MAP3K11: variants seen among roughly 807,000 people sequenced by gnomAD.
MAP3K11 encodes mitogen-activated protein kinase kinase kinase 11, also known as SH3 domain-containing proline-rich kinase.
MAP3K11 carries 46 observed loss-of-function variants against 84.9 expected under a neutral mutation model. The observed-to-expected ratio is 0.54, with a 90% CI of 0.43 to 0.69. The LOEUF is 0.69. MAP3K11 is among the 30% of genes least tolerant of loss of function. The pLI is 0.00. For synonymous variants in MAP3K11, 527 were observed against 514.7 expected, an observed-to-expected ratio of 1.02 and a Z score of -0.32; for missense variants, 1,053 against 1,198.3, an observed-to-expected ratio of 0.88 and a Z score of 1.79.
intron 8 of MAP3K11, among the ~76,000 whole-genome samples, chr11:65,604,857 C>A (rs544600174): frequency 6.6e-6 from 1 of 152,234 alleles, no homozygotes; most frequent in East Asian, 1.9e-4. Context: ...TAGGTTGGCA[C>A]AGGGACCCAC....
intron 8 of MAP3K11, among the ~76,000 whole-genome samples, chr11:65,600,834 A>G (rs10750762): frequency 0.2 from 30,547 of 152,072 alleles, 3,389 homozygotes; most frequent in Middle Eastern, 0.33. Flanking sequence ...GTGCAGCAGC[A>G]GGTTGGATGT....
At chr11:65,601,742 C>T (rs572912038) in intron 8 of MAP3K11, among the ~76,000 whole-genome samples, 60 of 144,116 alleles carry the variant, frequency 4.2e-4, no homozygotes, top group African/African-American at 1.4e-3. Flanking sequence ...GGCAACAGAG[C>T]GAGACTCCGT....
chr11:65,599,609 G>T lies in MAP3K11; in HGVS notation c.1991C>A (p.Pro664Gln). 1.3e-6 allele frequency: 2 copies of T among 1,539,418 alleles called. No homozygotes were observed. Among genetic ancestry groups the T allele is most frequent in the Non-Finnish European group, 8.7e-7 (1 of 1,149,038 alleles). Residue 664 changes from proline (P) to glutamine (Q), a missense_variant, in exon 9 of 10, where the codon CCG becomes CAG. Physicochemically the swap from Pro to Gln is moderately conservative, Grantham distance 76. Transcript: ENST00000309100. ...SLGLGRDLQP[P>Q]GGPGRERGES... ...CCCGCGCTCGCGTCCTGGGCCTCCC[G>T]GCGGCTGCAGGTCGCGGCCAAGGCC...
chr11:65,604,060 C>G (rs1388582814), intron 8 of MAP3K11, among the ~76,000 whole-genome samples: 1 of 152,272 alleles, frequency 6.6e-6, no homozygotes, highest in Non-Finnish European at 1.5e-5. Context: ...AGGCTGCTAT[C>G]TCTCAGAATG....
rs1854603463 is a variant in MAP3K11, at chr11:65,613,419, C to T, written c.338G>A (p.Ser113Asn). The change falls in exon 1 of 10, where the codon AGC (serine) becomes AAC (asparagine). Residue 113 changes from serine (S) to asparagine (N), a missense_variant. By Grantham distance (46) the Ser-to-Asn change is conservative (BLOSUM62 1). This residue lies in a region of MAP3K11 where 160 missense variants were observed against 167.3 expected (regional missense o/e 0.96). Transcript: ENST00000309100. ...CTCCTCCAGCCGCAGCTCCTGGAAG[C>T]TGGCCACCTCGCAGGGGGGCGGGCC... ...GGGPPPCEVA[S>N]FQELRLEEVI... 3 of 1,612,396 alleles carry T rather than the reference C, an allele frequency of 1.9e-6. No homozygotes were observed. In the Admixed American group the frequency reaches 5.0e-5, roughly 27 times the overall value.
rs938290041 is a variant in MAP3K11, at chr11:65,599,658, C to T, written c.1942G>A (p.Gly648Ser). 88 of 1,547,202 alleles carry T rather than the reference C, an allele frequency of 5.7e-5. No homozygotes were observed. The highest frequency in any genetic ancestry group is 7.8e-5 in the Admixed American group (4 of 51,420). ...PKLIQRALLR[G>S]TALLASLGLG... The stretch of plus-strand genomic sequence containing the variant: ...CCCAGCGAGGCGAGCAGGGCGGTGC[C>T]GCGCAGCAGCGCCCGCTGGATCAGC... The change falls in exon 9 of 10, where the codon GGC becomes AGC. Residue 648 changes from glycine (G) to serine (S), a missense_variant. This residue lies in a region of MAP3K11 where 583 missense variants were observed against 566.6 expected (regional missense o/e 1.03). Transcript: ENST00000309100.
At position 65,606,792 on chromosome 11, in the gene MAP3K11, C is replaced by T. The variant is rs763931056; in HGVS notation, c.1502G>A (p.Arg501His). Residue 501 changes from arginine to histidine, a missense_variant, in exon 6 of 10, where the codon CGC (arginine) becomes CAC (histidine). Transcript: ENST00000309100. ...RISMPLDFKH[R>H]ITVQASPGLD... is the part of the protein sequence containing the mutation. Reference sequence around the variant, plus strand: ...GCCGGGTGAGGCCTGCACGGTGATGCGGTGCTTGAAGTCTGGGATTTGGGT... The same window carrying T: ...GCCGGGTGAGGCCTGCACGGTGATGTGGTGCTTGAAGTCTGGGATTTGGGT... The T allele has an allele frequency of 5.0e-6, 8 of 1,603,872 alleles. No individual in the cohort carries two copies. Among genetic ancestry groups the T allele is most frequent in the South Asian group, 1.1e-5 (1 of 89,362 alleles).
intron 8 of MAP3K11, among the ~76,000 whole-genome samples, chr11:65,600,921 A>C (rs1854448544): frequency 6.6e-6 from 1 of 152,218 alleles, no homozygotes; most frequent in Non-Finnish European, 1.5e-5. Flanking sequence ...CCCTTCTGTC[A>C]GCCCCAACCC....
chr11:65,613,610 C>T lies in MAP3K11; in HGVS notation c.147G>A (p.Leu49=). 6.2e-7 allele frequency: 1 copy of T among 1,613,116 alleles called. No individual in the cohort carries two copies. Among genetic ancestry groups the T allele is most frequent in the South Asian group, 1.1e-5 (1 of 91,086 alleles). Residue 49 remains leucine, a synonymous_variant, in exon 1 of 10, where the codon CTG becomes CTA. Transcript: ENST00000309100. ...AGYANPVWTA[L]FDYEPSGQDE... ...CCTGCCCACTGGGCTCGTAGTCGAA[C>T]AGGGCTGTCCACACCGGGTTGGCAT...
rs1854623548 is a variant in MAP3K11 at position 65,614,078 on chromosome 11, C to G, written c.-322G>C. On this transcript the variant is annotated 5_prime_UTR_variant, in exon 1 of 10. Coordinates refer to ENST00000309100, the MANE Select transcript of MAP3K11 (RefSeq NM_002419.4). ...CAGTCCTGGGAGCCTGGCTCCGGCC[C>G]CCGCCAAGTGTAAGGTGGGGCCTTC... is the stretch of plus-strand genomic sequence containing the variant. The G allele has an allele frequency of 3.2e-6, 1 of 308,654 alleles. No homozygotes were observed. Among genetic ancestry groups the G allele is most frequent in the Non-Finnish European group, 6.1e-6 (1 of 164,534 alleles). The allele number at this position is 308,654 out of a possible 1,614,324, so 19.1% of individuals were successfully genotyped here. A position where few individuals can be genotyped will look rare whatever the true frequency, so the allele number is the denominator to read the frequency against.
At position 65,613,724 on chromosome 11, in the gene MAP3K11, G is replaced by T. The variant is rs771826070; in HGVS notation, c.33C>A (p.Ser11Arg). The change falls in exon 1 of 10, where the codon AGC becomes AGA. Residue 11 changes from serine (S) to arginine (R), a missense_variant. Ser to Arg is a moderately radical substitution (Grantham distance 110). Coordinates refer to ENST00000309100, the MANE Select transcript of MAP3K11 (RefSeq NM_002419.4). ...CACTGCCATTCCATGACCCTAGAGG[G>T]CTCTTGAGGAAGAGGCTCTTCAAGG... MEPLKSLFLK[S>R]PLGSWNGSGS... 2 of 1,587,704 alleles carry T rather than the reference G, an allele frequency of 1.3e-6. No individual in the cohort carries two copies.
At chr11:65,602,097 G>T (rs187861496) in intron 8 of MAP3K11, among the ~76,000 whole-genome samples, 33 of 150,068 alleles carry the variant, frequency 2.2e-4, no homozygotes, top group African/African-American at 8.1e-4. Flanking sequence ...CAGCTACTTG[G>T]GAGGCTGAGG....
rs2135360734 is a variant in MAP3K11, at chr11:65,598,104, A to G, written c.*187T>C. On this transcript the variant is annotated 3_prime_UTR_variant, in exon 10 of 10. Transcript: ENST00000309100. ...AGCTGGGGGGACCTACAGGTTTCAGATGTGGGGGCGCAGGTCCCCCTTCCA... is the reference window on the plus strand; with the variant it reads ...AGCTGGGGGGACCTACAGGTTTCAGGTGTGGGGGCGCAGGTCCCCCTTCCA... 2.3e-6 allele frequency: 1 copy of G among 429,018 alleles called. No individual in the cohort carries two copies. The highest frequency in any genetic ancestry group is 2.0e-5 in the African/African-American group (1 of 49,352). The allele number at this position is 429,018 out of a possible 1,614,324, so 26.6% of individuals were successfully genotyped here. A position where few individuals can be genotyped will look rare whatever the true frequency, so the allele number is the denominator to read the frequency against.
rs1854613898 is a variant in MAP3K11 at position 65,613,744 on chromosome 11, T to G, written c.13A>C (p.Lys5Gln). The G allele has an allele frequency of 2.6e-6, 4 of 1,561,712 alleles. No individual in the cohort carries two copies. The highest frequency in any genetic ancestry group is 3.5e-6 in the Non-Finnish European group (4 of 1,154,772). MEPL[K>Q]SLFLKSPLGS... ...AGAGGGCTCTTGAGGAAGAGGCTCT[T>G]CAAGGGCTCCATGGCCGGGAGCCGG... Residue 5 changes from lysine (K) to glutamine (Q), a missense_variant, in exon 1 of 10, where the codon AAG (lysine) becomes CAG (glutamine). Lys to Gln is a moderately conservative substitution (Grantham distance 53). Transcript: ENST00000309100.
chr11:65,608,865 C>T (rs1854542340), intron 1 of MAP3K11: 2 of 169,020 alleles, frequency 1.2e-5, no homozygotes, highest in African/African-American at 4.8e-5. Context: ...ATCTGCCCGC[C>T]TCGGCCTCCC....
chr11:65,604,993 A>G (rs1168218339), intron 8 of MAP3K11, among the ~76,000 whole-genome samples: 2 of 152,132 alleles, frequency 1.3e-5, no homozygotes. Flanking sequence ...TAAGCAGTCT[A>G]TACGTGAGAA....
Position 65,598,601 on chromosome 11 carries a change from G to C in MAP3K11, c.2234C>G (p.Thr745Arg). The change falls in exon 10 of 10, where the codon ACA becomes AGA. Residue 745 changes from threonine to arginine, a missense_variant. Physicochemically the swap from Thr to Arg is moderately conservative, Grantham distance 71. Coordinates refer to ENST00000309100, the MANE Select transcript of MAP3K11 (RefSeq NM_002419.4). ...RGGTVSPPPG[T>R]SRSAPGTPGT... ...TGGGGTGCCAGGAGCAGAGCGTGAT[G>C]TCCCCGGTGGGGGTGAGACAGTGCC... The C allele has an allele frequency of 6.4e-7, 1 of 1,559,420 alleles. No individual in the cohort carries two copies. The highest frequency in any genetic ancestry group is 8.7e-7 in the Non-Finnish European group (1 of 1,150,628).
At chr11:65,609,653 GA>G (rs1387777820) in intron 1 of MAP3K11, 1 of 152,364 alleles carries the variant, frequency 6.6e-6, no homozygotes, top group African/African-American at 2.4e-5. Flanking sequence ...CTGCACTGTG[GA>G]AGAGAAGCAA....
In MAP3K11 at chr11:65,599,433, G is replaced by A. The variant is rs1387873069; in HGVS notation, c.2167C>T (p.Arg723Trp). ...TCACGTCGGGGGCTCTTGGCTGACC[G>A]CTGGCCCACAGGGATACCCAGGTCC... The part of the protein sequence containing the change: ...LLDLGIPVGQ[R>W]SAKSPRREEE... Residue 723 changes from arginine to tryptophan, a missense_variant, in exon 9 of 10, where the codon CGG becomes TGG. By Grantham distance (101) the Arg-to-Trp change is moderately radical. Around this residue, in one of 3 missense-constraint regions of MAP3K11, gnomAD observed 583 missense variants for 566.6 expected, o/e 1.03. Transcript: ENST00000309100. 6.6e-6 allele frequency: 10 copies of A among 1,524,122 alleles called. No individual in the cohort carries two copies. The highest frequency in any genetic ancestry group is 5.3e-5 in the East Asian group (2 of 37,692). 94.4% of individuals were successfully genotyped at this position (1,524,122 alleles called of 1,614,324 possible).
Sources: gnomAD v4.1 joint callset for allele counts (sites outside exome capture counted in the v4.1 genomes callset) on GRCh38, gnomAD v4.1.1 for gene constraint, gnomAD v4.1.1 regional missense constraint, MANE v1.5 for transcripts, NCBI Gene and HGNC (gene_info 2026-07-23, HGNC 2026-07-21) for gene names.